Variants in SUGP2 observed in about 807,000 individuals in gnomAD.
SUGP2 encodes SURP and G-patch domain-containing protein 2.
In SUGP2, 24 loss-of-function variants were observed where a neutral mutation model predicts 90.5. That is an observed-to-expected ratio of 0.27 (90% CI 0.19 to 0.37). SUGP2 has a LOEUF of 0.37. Ranked by LOEUF, SUGP2 falls within the 10% of genes least tolerant of loss-of-function variation. The probability of loss-of-function intolerance (pLI) is 1.00; values close to 1 mark genes in which losing one functional copy is unlikely to be tolerated. For missense variants in SUGP2, 1,233 were observed against 1,363.3 expected (o/e 0.90, Z 1.51); for synonymous variants, 473 against 513.4 (o/e 0.92, Z 1.06).
chr19:19,013,126 C>T (rs996212979), intron 4 of SUGP2, among the ~76,000 whole-genome samples: 6 of 152,184 alleles, frequency 3.9e-5, no homozygotes, highest in Non-Finnish European at 8.8e-5. Context: ...CTTGGCCTCC[C>T]AAAGTGCTGG....
At chr19:19,023,092 C>G (rs1228836454) in intron 3 of SUGP2, among the ~76,000 whole-genome samples, 1 of 152,086 alleles carries the variant, frequency 6.6e-6, no homozygotes, top group Non-Finnish European at 1.5e-5. Flanking sequence ...TTTTCCTCTC[C>G]CCAGAAAGCC....
chr19:19,008,455 C>G (rs1198365593), intron 5 of SUGP2, 27 bp from the exon 6 acceptor site: 1 of 1,574,456 alleles, frequency 6.4e-7, no homozygotes, highest in Admixed American at 1.7e-5. Flanking sequence ...ACCTGTCAGG[C>G]ATGACTCCTG....
At chr19:19,007,072 T>C (rs770916279) in intron 6 of SUGP2, among the ~76,000 whole-genome samples, 3 of 152,310 alleles carry the variant, frequency 2.0e-5, no homozygotes, top group Admixed American at 6.5e-5. Flanking sequence ...AATGGGAAGA[T>C]GGGTGCCTCC....
intron 4 of SUGP2, among the ~76,000 whole-genome samples, chr19:19,018,686 CAA>C (rs55923416): frequency 1.6e-4 from 14 of 85,914 alleles, no homozygotes; most frequent in African/African-American, 6.7e-4. Context: ...GGCTCCGTCT[CAA>C]AAAAAAAAAA....
intron 3 of SUGP2, 152 bp from the exon 4 acceptor site, chr19:19,019,381 GA>G: frequency 7.3e-6 from 6 of 818,170 alleles, no homozygotes; most frequent in Non-Finnish European, 8.9e-6. Flanking sequence ...TTGAAAAGAG[GA>G]AAACAACCAA....
chr19:19,016,253 G>A (rs1417200702), intron 4 of SUGP2, among the ~76,000 whole-genome samples: 6 of 152,104 alleles, frequency 3.9e-5, no homozygotes, highest in African/African-American at 7.2e-5. Context: ...GGATGGTCTC[G>A]ATCTCCTGAT....
Position 18,991,565 on chromosome 19 carries a change from A to G in SUGP2, c.*2176T>C, listed in dbSNP as rs1438847420. 1 of 152,188 alleles carries G rather than the reference A, an allele frequency of 6.6e-6. No homozygotes were observed. The highest frequency in any genetic ancestry group is 1.5e-5 in the Non-Finnish European group (1 of 68,040). The allele number at this position is 152,188 out of a possible 1,614,324, so 9.4% of individuals were successfully genotyped here. On this transcript the variant is annotated 3_prime_UTR_variant, in exon 11 of 11. Coordinates refer to ENST00000452918, the MANE Select transcript of SUGP2 (RefSeq NM_001017392.5). Reference sequence around the variant, plus strand: ...CCTAAAGCATTTAACTTTTTAATAAAATGAAGTGGAGAAAGTCAAGAATGA... The same window carrying G: ...CCTAAAGCATTTAACTTTTTAATAAGATGAAGTGGAGAAAGTCAAGAATGA...
At position 19,007,755 on chromosome 19, in the gene SUGP2, C is replaced by CTTTTTTTTTTTT. The variant is rs34670209; in HGVS notation, c.2450+550_2450+561dup. Among the ~76,000 whole-genome samples the CTTTTTTTTTTTT allele has an allele frequency of 2.6e-5, 3 of 113,434 alleles. 1 individual carries two copies. Among genetic ancestry groups the CTTTTTTTTTTTT allele is most frequent in the Non-Finnish European group, 5.4e-5 (3 of 55,490 alleles). 74.4% of individuals were successfully genotyped at this position (113,434 alleles called of 152,430 possible). A position where few individuals can be genotyped will look rare whatever the true frequency, so the allele number is the denominator to read the frequency against. Reference sequence around the variant, plus strand: ...ACAAGCATGAGCCATTGCACCTAGCCTTTTTTTTTTTTTTTTTTTTTGGAG... The same window carrying CTTTTTTTTTTTT: ...ACAAGCATGAGCCATTGCACCTAGCCTTTTTTTTTTTTTTTTTTTTTTTTTTTTTTTTTGGAG... On this transcript the variant is annotated intron_variant, in intron 6 of 10. Transcript: ENST00000452918.
chr19:19,019,431 C>T (rs1442334576), intron 3 of SUGP2, among the ~76,000 whole-genome samples: 2 of 152,100 alleles, frequency 1.3e-5, no homozygotes, highest in East Asian at 1.9e-4. Context: ...ACAGTATAAC[C>T]ACTAGGAGAG....
chr19:19,021,730 G>A (rs144016345), intron 3 of SUGP2, among the ~76,000 whole-genome samples: 1,824 of 150,714 alleles, frequency 0.012, 13 homozygotes, highest in Non-Finnish European at 0.017. Context: ...GGAGTGGTGC[G>A]CTCTAGGCTC....
intron 8 of SUGP2, among the ~76,000 whole-genome samples, 170 bp from the exon 9 acceptor site, chr19:18,995,450 G>A (rs1160600064): frequency 6.6e-6 from 1 of 152,210 alleles, no homozygotes; most frequent in Admixed American, 6.5e-5. Flanking sequence ...TCCCTGGGTG[G>A]GATGGAACTT....
chr19:19,004,734 G>T, intron 6 of SUGP2, 88 bp from the exon 7 acceptor site: 1 of 1,097,834 alleles, frequency 9.1e-7, no homozygotes. Flanking sequence ...ATCCAAGGAA[G>T]GTGGAGGTGG....
At position 18,994,439 on chromosome 19, in the gene SUGP2, T is replaced by G. The variant is rs1347577024; in HGVS notation, c.3176A>C (p.His1059Pro). Reference sequence around the variant, plus strand: ...GAACACATCGAATGTGTCTTCTTTGTGCTCCTGCCCGTCAGCACCCAACCC... The same window carrying G: ...GAACACATCGAATGTGTCTTCTTTGGGCTCCTGCCCGTCAGCACCCAACCC... ...GEGLGADGQE[H>P]KEDTFDVFRQ... The change falls in exon 10 of 11, where the codon CAC becomes CCC. Residue 1059 changes from histidine to proline, a missense_variant. Transcript: ENST00000452918. 6.2e-7 allele frequency: 1 copy of G among 1,614,214 alleles called. No homozygotes were observed.
chr19:19,019,198 C>T lies in SUGP2; in HGVS notation c.1761G>A (p.Val587=), dbSNP rs1244916937. Reference sequence around the variant, plus strand: ...GTTTCACAAGCTGGTCGATGGTGCCCACTACCCTGTGATCTGCTCGCTGGG... The same window carrying T: ...GTTTCACAAGCTGGTCGATGGTGCCTACTACCCTGTGATCTGCTCGCTGGG... ...AVPQRADHRV[V]GTIDQLVKRV... Residue 587 remains valine (V), a synonymous_variant, in exon 4 of 11, where the codon GTG becomes GTA. Coordinates refer to ENST00000452918, the MANE Select transcript of SUGP2 (RefSeq NM_001017392.5). 1 of 1,614,066 alleles carries T rather than the reference C, an allele frequency of 6.2e-7. No individual in the cohort carries two copies. Among genetic ancestry groups the T allele is most frequent in the East Asian group, 2.2e-5 (1 of 44,886 alleles).
intron 1 of SUGP2, 69 bp downstream of exon 1, chr19:19,033,368 C>A: frequency 2.5e-6 from 3 of 1,197,012 alleles, no homozygotes; most frequent in Non-Finnish European, 3.1e-6. Context: ...CGGGGCGGGC[C>A]CCCAAGGCCG....
rs1393866766 is a variant in SUGP2 at position 19,033,487 on chromosome 19, AC to A, written c.-63del. On this transcript the variant is annotated 5_prime_UTR_variant, in exon 1 of 11. Coordinates refer to ENST00000452918, the MANE Select transcript of SUGP2 (RefSeq NM_001017392.5). ...CCCCCGCCGCCGCCTCAGGCTCCTC[AC>A]CCGCCGCCGCCGCCGCGCGAGGCGG... 6 of 1,406,958 alleles carry A rather than the reference AC, an allele frequency of 4.3e-6. No homozygotes were observed. Among genetic ancestry groups the A allele is most frequent in the Non-Finnish European group, 5.6e-6 (6 of 1,079,520 alleles). The allele number at this position is 1,406,958 out of a possible 1,614,324, so 87.2% of individuals were successfully genotyped here.
chr19:18,997,797 AAAAAAAG>A (rs1292325350), intron 8 of SUGP2, among the ~76,000 whole-genome samples: 1 of 144,948 alleles, frequency 6.9e-6, no homozygotes, highest in Non-Finnish European at 1.5e-5. Context: ...AAAAAAAAAA[AAAAAAAG>A]AAAGAAAGAA....
rs2058336715 is a variant in SUGP2 at position 19,012,204 on chromosome 19, C to T, written c.1851-1862G>A. Among the ~76,000 whole-genome samples, 4 of 152,202 alleles carry T rather than the reference C, an allele frequency of 2.6e-5. No individual in the cohort carries two copies. In the South Asian group the frequency reaches 8.3e-4, roughly 32 times the overall value. ...ACTGCTGCCCTGGCACTCTGTTGGG[C>T]TAACGGTGGCATCCTGCAAGATCAT... On this transcript the variant is annotated intron_variant, in intron 4 of 10. Transcript: ENST00000452918.
intron 3 of SUGP2, among the ~76,000 whole-genome samples, chr19:19,022,205 C>T (rs545218577): frequency 2.0e-5 from 3 of 152,172 alleles, no homozygotes; most frequent in South Asian, 4.1e-4. Flanking sequence ...AGGATGGTTT[C>T]GATCTCCTGA....
Sources: gnomAD v4.1 joint callset for allele counts (sites outside exome capture counted in the v4.1 genomes callset) on GRCh38, gnomAD v4.1.1 for gene constraint, MANE v1.5 for transcripts, NCBI Gene and HGNC (gene_info 2026-07-23, HGNC 2026-07-21) for gene names.